Variants in MAGI2 observed in about 807,000 individuals in gnomAD.
The protein encoded by MAGI2 is membrane-associated guanylate kinase, WW and PDZ domain-containing protein 2.
A neutral mutation model predicts 133.3 loss-of-function variants in MAGI2; 35 were observed. The ratio of observed to expected loss-of-function variants is 0.26; its 90% confidence interval spans 0.20 to 0.35. The LOEUF is 0.35. Ranked by LOEUF, MAGI2 falls within the 10% of genes least tolerant of loss-of-function variation. The pLI is 1.00. For synonymous variants in MAGI2, 729 were observed against 710.6 expected (o/e 1.03, Z -0.41); for missense variants, 1,636 against 1,863.4 (o/e 0.88, Z 2.25).
At chr7:78,156,428 A>G (rs937695454) in intron 16 of MAGI2, among the ~76,000 whole-genome samples, 3 of 152,154 alleles carry the variant, frequency 2.0e-5, no homozygotes, top group Non-Finnish European at 4.4e-5. Context: ...ACTCTGCACT[A>G]CTCGACAAGA....
At chr7:78,627,344 A>C in intron 2 of MAGI2, 105 bp from the exon 3 acceptor site, 1 of 1,097,072 alleles carries the variant, frequency 9.1e-7, no homozygotes. Flanking sequence ...TTGTTTGTAC[A>C]TCCTGCAAGT....
intron 5 of MAGI2, among the ~76,000 whole-genome samples, chr7:78,494,624 TTC>T (rs1488866258): frequency 6.6e-6 from 1 of 152,206 alleles, no homozygotes; most frequent in Non-Finnish European, 1.5e-5. Context: ...TCTAATTTCT[TTC>T]TGTTTTCTTT....
At chr7:79,039,867 AAT>A (rs1491365565) in intron 1 of MAGI2, among the ~76,000 whole-genome samples, 2 of 145,332 alleles carry the variant, frequency 1.4e-5, no homozygotes, top group African/African-American at 2.5e-5. Context: ...ATATATATAT[AAT>A]ATATATGTAT....
At chr7:78,028,809 A>G (rs1809237298) in intron 21 of MAGI2, among the ~76,000 whole-genome samples, 1 of 144,444 alleles carries the variant, frequency 6.9e-6, no homozygotes, top group African/African-American at 2.6e-5. Context: ...AGATTGTGCC[A>G]CTGCACTCCA....
At chr7:79,188,720 G>T (rs1016771536) in intron 1 of MAGI2, among the ~76,000 whole-genome samples, 1 of 151,718 alleles carries the variant, frequency 6.6e-6, no homozygotes, top group Admixed American at 6.6e-5. Context: ...TTTATAAAGG[G>T]TTTATATATT....
intron 1 of MAGI2, among the ~76,000 whole-genome samples, chr7:79,292,868 C>T (rs1253829096): frequency 6.8e-6 from 1 of 147,472 alleles, no homozygotes; most frequent in Non-Finnish European, 1.5e-5. Flanking sequence ...GGGAATATTC[C>T]CATCTTAATT....
intron 7 of MAGI2, among the ~76,000 whole-genome samples, chr7:78,350,999 G>T (rs1791449703): frequency 6.6e-6 from 1 of 152,116 alleles, no homozygotes. Flanking sequence ...TTAACATTTA[G>T]AAATAATCAA....
chr7:78,593,340 T>C (rs60566560), intron 3 of MAGI2, among the ~76,000 whole-genome samples: 19,305 of 151,766 alleles, frequency 0.13, 2,203 homozygotes, highest in African/African-American at 0.31. Context: ...TGCAGTGAGC[T>C]GAGATCGCAC....
chr7:78,504,936 A>G (rs1794954185), intron 4 of MAGI2, among the ~76,000 whole-genome samples: 1 of 152,058 alleles, frequency 6.6e-6, no homozygotes, highest in South Asian at 2.1e-4. Flanking sequence ...TATTAATCCT[A>G]TTTTTCTAAA....
At chr7:79,227,288 G>A (rs1392033433) in intron 1 of MAGI2, among the ~76,000 whole-genome samples, 4 of 152,190 alleles carry the variant, frequency 2.6e-5, no homozygotes, top group Non-Finnish European at 5.9e-5. Context: ...ATTTGAGAAT[G>A]AAGGATAATA....
At chr7:78,594,203 A>C (rs1311568662) in intron 3 of MAGI2, among the ~76,000 whole-genome samples, 1 of 152,192 alleles carries the variant, frequency 6.6e-6, no homozygotes, top group Non-Finnish European at 1.5e-5. Flanking sequence ...GCTTTGGCAG[A>C]AGCTTGTCAT....
chr7:78,543,389 G>C (rs1385658742), intron 3 of MAGI2, among the ~76,000 whole-genome samples: 1 of 152,064 alleles, frequency 6.6e-6, no homozygotes, highest in East Asian at 1.9e-4. Context: ...GATATTGAAA[G>C]GACAATTAAA....
intron 10 of MAGI2, chr7:78,253,046 C>A (rs1261933548): frequency 3.3e-5 from 5 of 151,638 alleles, no homozygotes; most frequent in East Asian, 1.9e-4. Context: ...ATTCTTCTTA[C>A]AGCTGAGCAA....
chr7:78,855,419 G>A (rs1191592241), intron 2 of MAGI2, among the ~76,000 whole-genome samples: 1 of 151,978 alleles, frequency 6.6e-6, no homozygotes, highest in South Asian at 2.1e-4. Context: ...TCCACCCCAT[G>A]ACAGGCCCCA....
chr7:78,632,024 T>G (rs1369960498), intron 2 of MAGI2, among the ~76,000 whole-genome samples: 1 of 152,242 alleles, frequency 6.6e-6, no homozygotes, highest in African/African-American at 2.4e-5. Flanking sequence ...TCTGGCACAT[T>G]TTAAATACTC....
chr7:79,243,862 C>G (rs1528274), intron 1 of MAGI2, among the ~76,000 whole-genome samples: 100,607 of 151,972 alleles, frequency 0.66, 33,717 homozygotes, highest in Non-Finnish European at 0.7. Flanking sequence ...AGCTAGTAGT[C>G]AGGATTTCAA....
rs555484382 is a variant in MAGI2 at position 78,995,600 on chromosome 7, C to T, written c.418+11490G>A. Among the ~76,000 whole-genome samples, 20 of 152,168 alleles carry T rather than the reference C, an allele frequency of 1.3e-4. No homozygotes were observed. In the South Asian group the frequency reaches 1.9e-3, roughly 14 times the overall value. On this transcript the variant is annotated intron_variant, in intron 2 of 21. Coordinates refer to ENST00000354212, the MANE Select transcript of MAGI2 (RefSeq NM_012301.4). The stretch of plus-strand genomic sequence containing the variant: ...TTCAATTGTGGGTCAATTGAAGATA[C>T]GTTCATATCTTCTTCACAATAAATA...
chr7:78,930,453 T>C (rs1169754713), intron 2 of MAGI2, among the ~76,000 whole-genome samples: 1 of 152,114 alleles, frequency 6.6e-6, no homozygotes, highest in Non-Finnish European at 1.5e-5. Flanking sequence ...CAGGTGCAGT[T>C]CTGTCTTTTC....
rs201039988 is a variant in MAGI2, at chr7:78,209,423, C to T, written c.2048-8230G>A. ...ACTACAGGCGTGCACCATCACGCCC[C>T]ACTAAAATTTGTATTTTTAGTAGAG... On this transcript the variant is annotated intron_variant, in intron 10 of 21. Coordinates refer to ENST00000354212, the MANE Select transcript of MAGI2 (RefSeq NM_012301.4). Among the ~76,000 whole-genome samples, 14 of 150,186 alleles carry T rather than the reference C, an allele frequency of 9.3e-5. No individual in the cohort carries two copies. In the East Asian group the frequency reaches 1.6e-3, roughly 18 times the overall value.
Sources: gnomAD v4.1 joint callset for allele counts (sites outside exome capture counted in the v4.1 genomes callset) on GRCh38, gnomAD v4.1.1 for gene constraint, MANE v1.5 for transcripts, NCBI Gene and HGNC (gene_info 2026-07-23, HGNC 2026-07-21) for gene names.